The following ZNF12 variants were observed in gnomAD, a reference collection of about 807,000 sequenced individuals.
The protein encoded by ZNF12 is gonadotropin inducible transcription repressor 3.
Under a neutral mutation model 66.6 loss-of-function variants are expected in ZNF12, and 34 were observed. The observed-to-expected ratio is 0.51, with a 90% confidence interval of 0.39 to 0.68. ZNF12 has a LOEUF of 0.68. ZNF12 is among the 30% of genes least tolerant of loss of function. ZNF12 has a pLI of 0.00. For missense variants in ZNF12, 697 were observed against 826.9 expected (o/e 0.84, Z 1.93); for synonymous variants, 320 against 278.9 (o/e 1.15, Z -1.47).
Position 6,691,484 on chromosome 7 carries a change from C to T in ZNF12, c.1458G>A (p.Val486=), listed in dbSNP as rs557916790. ...ATTCGTAAGGTTTCTCTCCTGTGTG[C>T]ACTCTCTGATGTCTCATGAGGGCTG... ...LNSALMRHQR[V]HTGEKPYECN... Residue 486 remains valine, a synonymous_variant, in exon 5 of 5, where the codon GTG becomes GTA. Transcript: ENST00000405858. 9 of 1,610,740 alleles carry T rather than the reference C, an allele frequency of 5.6e-6. No homozygotes were observed. Among genetic ancestry groups the T allele is most frequent in the African/African-American group, 4.0e-5 (3 of 74,374 alleles).
intron 2 of ZNF12, among the ~76,000 whole-genome samples, chr7:6,704,568 T>TA (rs752684046): frequency 0.025 from 2,093 of 84,784 alleles, 99 homozygotes; most frequent in African/African-American, 0.08. Context: ...GTCTCTACTT[T>TA]AAAAAAAAAA....
intron 4 of ZNF12, among the ~76,000 whole-genome samples, chr7:6,694,726 A>G (rs776792666): frequency 1.3e-5 from 2 of 152,018 alleles, no homozygotes; most frequent in Non-Finnish European, 2.9e-5. Context: ...TCCTGCCTTC[A>G]TCTTCTCAAA....
At chr7:6,704,988 A>G (rs950003349) in intron 2 of ZNF12, among the ~76,000 whole-genome samples, 171 bp downstream of exon 2, 3 of 152,200 alleles carry the variant, frequency 2.0e-5, no homozygotes, top group Non-Finnish European at 4.4e-5. Context: ...GGATCACGCT[A>G]TCTGCGCATA....
Position 6,706,822 on chromosome 7 carries a change from G to C in ZNF12, c.-441C>G. Reference sequence around the variant, plus strand: ...GCCTGGCCCGCACAGCCCCGCGCCCGCTTGGGTGCCGGCCCGGCTCTTCGG... The same window carrying C: ...GCCTGGCCCGCACAGCCCCGCGCCCCCTTGGGTGCCGGCCCGGCTCTTCGG... On this transcript the variant is annotated 5_prime_UTR_variant, in exon 1 of 5. Transcript: ENST00000405858. 1 of 323,186 alleles carries C rather than the reference G, an allele frequency of 3.1e-6. No individual in the cohort carries two copies. Among genetic ancestry groups the C allele is most frequent in the Non-Finnish European group, 5.9e-6 (1 of 169,590 alleles). 20.0% of individuals were successfully genotyped at this position (323,186 alleles called of 1,614,324 possible). A position where few individuals can be genotyped will look rare whatever the true frequency, so the allele number is the denominator to read the frequency against.
At position 6,692,619 on chromosome 7, in the gene ZNF12, G is replaced by T. The variant is rs770267461; in HGVS notation, c.323C>A (p.Thr108Asn). ...AACATTACCTCTCTCTTCAATCAGG[G>T]TCTCAATGAACACAGTTTGCCTTGA... ...KPSRQTVFIE[T>N]LIEERGNVPG... Residue 108 changes from threonine (T) to asparagine (N), a missense_variant, in exon 5 of 5, where the codon ACC becomes AAC. By Grantham distance (65) the Thr-to-Asn change is moderately conservative. Around this residue, in one of 3 missense-constraint regions of ZNF12, gnomAD observed 241 missense variants for 224.0 expected, o/e 1.08. Transcript: ENST00000405858. The surrounding 1 kb of genome is among the most constrained non-coding windows in gnomAD (Gnocchi z 5.1). 24 of 1,613,574 alleles carry T rather than the reference G, an allele frequency of 1.5e-5. No individual in the cohort carries two copies. Among genetic ancestry groups the T allele is most frequent in the Non-Finnish European group, 1.7e-5 (20 of 1,179,816 alleles).
At chr7:6,693,765 C>T (rs1780111777) in intron 4 of ZNF12, among the ~76,000 whole-genome samples, 1 of 152,222 alleles carries the variant, frequency 6.6e-6, no homozygotes, top group Non-Finnish European at 1.5e-5. Context: ...ATCTTTCAAT[C>T]TCCTGACCAT....
At chr7:6,695,307 T>C (rs1355079413) in intron 4 of ZNF12, among the ~76,000 whole-genome samples, 1 of 152,268 alleles carries the variant, frequency 6.6e-6, no homozygotes. Context: ...TCAGAGAAGC[T>C]GTTCTTAATC....
chr7:6,704,635 G>A (rs1168621546), intron 2 of ZNF12, among the ~76,000 whole-genome samples: 1 of 139,574 alleles, frequency 7.2e-6, no homozygotes, highest in Non-Finnish European at 1.5e-5. Flanking sequence ...AGCTACTCCA[G>A]AGGCTGAGGC....
rs200462632 is a variant in ZNF12 at position 6,690,893 on chromosome 7, A to G, written c.2049T>C (p.His683=). The G allele has an allele frequency of 8.7e-5, 140 of 1,613,922 alleles. No individual in the cohort carries two copies. The East Asian group carries it at 1.0e-3, about 12-fold the overall frequency. The change falls in exon 5 of 5, where the codon CAT becomes CAC. Residue 683 remains histidine (H), a synonymous_variant. Transcript: ENST00000405858. ...KSAFNSHQRI[H]RRGNMNVIDV... ...CTATTACATTCATATTGCCTCTCCT[A>G]TGAATTCTCTGATGGCTGTTGAATG...
chr7:6,706,885 G>T lies in ZNF12; in HGVS notation c.-504C>A, dbSNP rs954052526. The T allele has an allele frequency of 9.9e-6, 4 of 405,808 alleles. No homozygotes were observed. Among genetic ancestry groups the T allele is most frequent in the Non-Finnish European group, 1.5e-5 (3 of 205,388 alleles). 25.1% of individuals were successfully genotyped at this position (405,808 alleles called of 1,614,324 possible). ...CAGGCTCCGCGATTCTCGCCCACCG[G>T]AGGCCAAAGCCTGGGAACTAGGGCG... On this transcript the variant is annotated 5_prime_UTR_variant, in exon 1 of 5. Coordinates refer to ENST00000405858, the MANE Select transcript of ZNF12 (RefSeq NM_016265.4).
rs78844392 is a variant in ZNF12 at position 6,696,740 on chromosome 7, C to T, written c.238+599G>A. 0.013 allele frequency among the ~76,000 whole-genome samples: 1,943 copies of T among 152,102 alleles called. 38 individuals are homozygous for T. Among genetic ancestry groups the T allele is most frequent in the African/African-American group, 0.045 (1,865 of 41,482 alleles). On this transcript the variant is annotated intron_variant, in intron 4 of 4. Transcript: ENST00000405858. This position sits in a 1 kb window ranked among gnomAD's most constrained non-coding sequence, Gnocchi z 4.0. ...CAGAAAATAAGAAACAAGATGAAAACGAGCATTTGGTTAAAGAGGGAGACC... is the reference window on the plus strand; with the variant it reads ...CAGAAAATAAGAAACAAGATGAAAATGAGCATTTGGTTAAAGAGGGAGACC...
chr7:6,692,561 A>C lies in ZNF12; in HGVS notation c.381T>G (p.Pro127=). The C allele has an allele frequency of 6.2e-7, 1 of 1,613,868 alleles. No homozygotes were observed. Among genetic ancestry groups the C allele is most frequent in the Non-Finnish European group, 8.5e-7 (1 of 1,179,848 alleles). ...TATAGGCTATTTTTCTTGAAGGAAC[A>C]GGGTTCGTTTCTACATCAAAAGTTT... ...PGKTFDVETN[P]VPSRKIAYKN... is the part of the protein sequence containing the mutation. Residue 127 remains proline, a synonymous_variant, in exon 5 of 5, where the codon CCT becomes CCG. Transcript: ENST00000405858. The surrounding 1 kb of genome is among the most constrained non-coding windows in gnomAD (Gnocchi z 5.1).
In ZNF12 at chr7:6,697,127, C is replaced by G. The variant is rs1469273036; in HGVS notation, c.238+212G>C. Among the ~76,000 whole-genome samples, 5 of 152,096 alleles carry G rather than the reference C, an allele frequency of 3.3e-5. No individual in the cohort carries two copies. The highest frequency in any genetic ancestry group is 3.3e-4 in the Admixed American group (5 of 15,262). On this transcript the variant is annotated intron_variant, in intron 4 of 4. Transcript: ENST00000405858. The surrounding 1 kb of genome is among the most constrained non-coding windows in gnomAD (Gnocchi z 6.1). ...AAGTTTAAGAGAACAACAGAAGTGACTGGAATTCGATTCTTGGGAGTGGCA... is the reference window on the plus strand; with the variant it reads ...AAGTTTAAGAGAACAACAGAAGTGAGTGGAATTCGATTCTTGGGAGTGGCA...
Position 6,691,064 on chromosome 7 carries a change from A to C in ZNF12, c.1878T>G (p.Ile626Met). The change falls in exon 5 of 5, where the codon ATT becomes ATG. Residue 626 changes from isoleucine (I) to methionine (M), a missense_variant. This residue lies in a region of ZNF12 where 401 missense variants were observed against 519.0 expected (regional missense o/e 0.77). Transcript: ENST00000405858. The stretch of plus-strand genomic sequence containing the variant: ...ATTCAAAGGGTTTCTCTCCTGAATG[A>C]ATTCGATGATGTATAGTGAGATAGG... ...QMSYLTIHHRIHSGEKPFECN... is the reference protein window; with the variant it reads ...QMSYLTIHHRMHSGEKPFECN... 1 of 1,613,996 alleles carries C rather than the reference A, an allele frequency of 6.2e-7. No individual in the cohort carries two copies. The highest frequency in any genetic ancestry group is 1.1e-5 in the South Asian group (1 of 91,076).
chr7:6,703,068 C>G (rs994386209), intron 2 of ZNF12, among the ~76,000 whole-genome samples: 1 of 150,554 alleles, frequency 6.6e-6, no homozygotes, highest in African/African-American at 2.4e-5. Flanking sequence ...ACACACACCC[C>G]TACCTGCCTT....
At chr7:6,695,366 G>T (rs978240739) in intron 4 of ZNF12, among the ~76,000 whole-genome samples, 2 of 152,148 alleles carry the variant, frequency 1.3e-5, no homozygotes, top group Non-Finnish European at 2.9e-5. Flanking sequence ...ATGGGGATGT[G>T]ACCCAGGCAT....
intron 2 of ZNF12, among the ~76,000 whole-genome samples, chr7:6,699,757 T>C (rs1425586383): frequency 4.7e-4 from 71 of 152,292 alleles, no homozygotes; most frequent in Non-Finnish European, 1.5e-5. Context: ...GGATGGTCAC[T>C]GTGCAATGGG....
chr7:6,706,389 AC>A (rs2115359246), intron 1 of ZNF12, 42 bp downstream of exon 1: 1 of 460,002 alleles, frequency 2.2e-6, no homozygotes, highest in African/African-American at 2.0e-5. Context: ...CGGTGACTTC[AC>A]CCAGGCCCTT....
Position 6,691,528 on chromosome 7 carries a change from T to A in ZNF12, c.1414A>T (p.Lys472Ter), listed in dbSNP as rs2115346668. 1 of 1,614,154 alleles carries A rather than the reference T, an allele frequency of 6.2e-7. No homozygotes were observed. Among genetic ancestry groups the A allele is most frequent in the East Asian group, 2.2e-5 (1 of 44,876 alleles). ...AGGGCTGAATTCAGGTAGAAGGTTT[T>A]TCCACATTCATTACATTCATAGGGT... Reference protein sequence around the residue: ...EKPYECNECGKTFYLNSALMR... With the variant: ...EKPYECNECG Residue 472 changes from lysine to a stop codon, truncating the protein, a stop_gained, in exon 5 of 5, where the codon AAA becomes TAA. Transcript: ENST00000405858. LOFTEE classifies it high-confidence loss of function.
Sources: gnomAD v4.1 joint callset for allele counts (sites outside exome capture counted in the v4.1 genomes callset) on GRCh38, gnomAD v4.1.1 for gene constraint, gnomAD v4.1.1 regional missense constraint, Gnocchi (gnomAD v3.1) non-coding constraint, MANE v1.5 for transcripts, NCBI Gene and HGNC (gene_info 2026-07-23, HGNC 2026-07-21) for gene names.